ZDHHC21: variants seen among roughly 807,000 people sequenced by gnomAD.
The protein encoded by ZDHHC21 is palmitoyltransferase ZDHHC21.
ZDHHC21 carries 15 observed loss-of-function variants against 34.6 expected under a neutral mutation model. The observed-to-expected ratio is 0.43, with a 90% CI of 0.29 to 0.67. The LOEUF (loss-of-function observed/expected upper bound fraction) is 0.67, where lower values mean the gene tolerates loss of function less well. Ranked by LOEUF, ZDHHC21 falls within the 30% of genes least tolerant of loss-of-function variation. The probability of loss-of-function intolerance (pLI) is 0.14; values close to 1 mark genes in which losing one functional copy is unlikely to be tolerated. For missense variants in ZDHHC21, 344 were observed against 327.7 expected (o/e 1.05, Z -0.38); for synonymous variants, 142 against 101.8 (o/e 1.40, Z -2.38).
chr9:14,642,082 G>T (rs142784156), intron 7 of ZDHHC21, among the ~76,000 whole-genome samples: 394 of 152,186 alleles, frequency 2.6e-3, no homozygotes, highest in African/African-American at 8.9e-3. Context: ...AAATGTCAAG[G>T]ATGGAGATGA....
intron 2 of ZDHHC21, among the ~76,000 whole-genome samples, chr9:14,687,789 A>G (rs1838560615): frequency 6.6e-6 from 1 of 151,058 alleles, no homozygotes; most frequent in African/African-American, 2.5e-5. Flanking sequence ...TATTTTTAAT[A>G]TTGCTACGCC....
chr9:14,604,860 G>C, the ZDHHC21 span, among the ~76,000 whole-genome samples: 1 of 152,020 alleles, frequency 6.6e-6, no homozygotes, highest in Non-Finnish European at 1.5e-5. Flanking sequence ...TATACCTTTT[G>C]AACAGCAGTT....
At chr9:14,597,116 A>C in the ZDHHC21 span, among the ~76,000 whole-genome samples, 1 of 152,248 alleles carries the variant, frequency 6.6e-6, no homozygotes, top group Non-Finnish European at 1.5e-5. Context: ...AAGTCCATGC[A>C]ACAGCATTGT....
At chr9:14,604,391 A>G in the ZDHHC21 span, among the ~76,000 whole-genome samples, 5 of 152,206 alleles carry the variant, frequency 3.3e-5, no homozygotes, top group African/African-American at 9.7e-5. Context: ...AAAAAATGTG[A>G]TGCTGATTAA....
intron 8 of ZDHHC21, 66 bp downstream of exon 8, chr9:14,639,830 T>C (rs1019730924): frequency 2.1e-6 from 2 of 944,714 alleles, no homozygotes; most frequent in Non-Finnish European, 3.0e-6. Flanking sequence ...CTATAACTTT[T>C]GAGAATTACA....
intron 5 of ZDHHC21, among the ~76,000 whole-genome samples, chr9:14,664,598 T>TA (rs1373918977): frequency 6.7e-6 from 1 of 150,114 alleles, no homozygotes; most frequent in Non-Finnish European, 1.5e-5. Context: ...TCCACAGACT[T>TA]AAATGTCCCT....
rs140542049 is a variant in ZDHHC21 at position 14,611,385 on chromosome 9, C to G, written c.*7581G>C. 271 of 152,062 alleles carry G rather than the reference C, an allele frequency of 1.8e-3. No homozygotes were observed. The highest frequency in any genetic ancestry group is 6.2e-3 in the African/African-American group (257 of 41,532). 9.4% of individuals were successfully genotyped at this position (152,062 alleles called of 1,614,324 possible). A position where few individuals can be genotyped will look rare whatever the true frequency, so the allele number is the denominator to read the frequency against. On this transcript the variant is annotated 3_prime_UTR_variant, in exon 10 of 10. Coordinates refer to ENST00000380916, the MANE Select transcript of ZDHHC21 (RefSeq NM_178566.6). ...CTTCTCAAACTATTCTTACATCTCT[C>G]AACTACTATTTTCCTAATTACCATC... is the stretch of plus-strand genomic sequence containing the variant.
At chr9:14,641,585 C>T (rs1268261829) in intron 7 of ZDHHC21, among the ~76,000 whole-genome samples, 1 of 152,136 alleles carries the variant, frequency 6.6e-6, no homozygotes, top group South Asian at 2.1e-4. Flanking sequence ...AAAACACACT[C>T]ACCCGTCAAA....
chr9:14,631,886 C>G (rs1445907475), intron 8 of ZDHHC21, among the ~76,000 whole-genome samples: 1 of 152,092 alleles, frequency 6.6e-6, no homozygotes, highest in African/African-American at 2.4e-5. Context: ...CATCAAAGAT[C>G]ACCAATCATA....
the ZDHHC21 span, among the ~76,000 whole-genome samples, chr9:14,605,750 A>T: frequency 3.3e-5 from 5 of 152,204 alleles, no homozygotes; most frequent in Non-Finnish European, 7.4e-5. Flanking sequence ...TATCTCCAAG[A>T]AGTCAACAAT....
chr9:14,674,486 C>A, intron 3 of ZDHHC21, 101 bp from the exon 4 acceptor site: 1 of 607,880 alleles, frequency 1.6e-6, no homozygotes, highest in Non-Finnish European at 2.7e-6. Context: ...GTTTTCTTTG[C>A]ATATTTGACA....
At chr9:14,639,300 C>CA (rs570980639) in intron 8 of ZDHHC21, among the ~76,000 whole-genome samples, 1 of 151,952 alleles carries the variant, frequency 6.6e-6, no homozygotes, top group South Asian at 2.1e-4. Flanking sequence ...ATGGGAGAGC[C>CA]AAAAAAGCTG....
chr9:14,607,300 T>C (rs1388450000), downstream of ZDHHC21, among the ~76,000 whole-genome samples: 2 of 151,906 alleles, frequency 1.3e-5, no homozygotes, highest in East Asian at 3.9e-4. Flanking sequence ...ATATAAAAAT[T>C]AGCTGGGTGT....
At chr9:14,681,601 G>A (rs934119906) in intron 2 of ZDHHC21, among the ~76,000 whole-genome samples, 1 of 152,116 alleles carries the variant, frequency 6.6e-6, no homozygotes, top group Non-Finnish European at 1.5e-5. Flanking sequence ...TCTGAGGGCT[G>A]AATTTTGGTG....
chr9:14,609,736 T>C (rs1823141451), downstream of ZDHHC21, among the ~76,000 whole-genome samples: 1 of 152,120 alleles, frequency 6.6e-6, no homozygotes, highest in African/African-American at 2.4e-5. Context: ...CAGTGGATTT[T>C]AAGAACACGA....
In ZDHHC21 at chr9:14,677,693, G is replaced by A. The variant is rs541079876; in HGVS notation, c.-46+2340C>T. ...TATCTGGTAACTATAGTTGACTACAGTGACTAAATGATGTAAATTACTACA... is the reference window on the plus strand; with the variant it reads ...TATCTGGTAACTATAGTTGACTACAATGACTAAATGATGTAAATTACTACA... On this transcript the variant is annotated intron_variant, in intron 3 of 9. Coordinates refer to ENST00000380916, the MANE Select transcript of ZDHHC21 (RefSeq NM_178566.6). 2.0e-5 allele frequency among the ~76,000 whole-genome samples: 3 copies of A among 152,138 alleles called. No homozygotes were observed. The South Asian group carries it at 6.2e-4, about 32-fold the overall frequency.
chr9:14,618,838 G>T lies in ZDHHC21; in HGVS notation c.*128C>A, dbSNP rs1248958456. ...GATCACTATTAAAATAAAGCCTGGG[G>T]CACATTATGATGCCTAAGACTGGTG... On this transcript the variant is annotated 3_prime_UTR_variant, in exon 10 of 10. Coordinates refer to ENST00000380916, the MANE Select transcript of ZDHHC21 (RefSeq NM_178566.6). 6 of 996,700 alleles carry T rather than the reference G, an allele frequency of 6.0e-6. No individual in the cohort carries two copies. The highest frequency in any genetic ancestry group is 3.3e-5 in the African/African-American group (2 of 59,896). The allele number at this position is 996,700 out of a possible 1,614,324, so 61.7% of individuals were successfully genotyped here.
intron 5 of ZDHHC21, among the ~76,000 whole-genome samples, chr9:14,670,982 T>G (rs1046095036): frequency 3.9e-5 from 6 of 152,122 alleles, no homozygotes; most frequent in Admixed American, 3.9e-4. Flanking sequence ...TAGTGATTTT[T>G]GTACTAGCCA....
At chr9:14,599,046 A>G in the ZDHHC21 span, among the ~76,000 whole-genome samples, 1 of 152,168 alleles carries the variant, frequency 6.6e-6, no homozygotes, top group East Asian at 1.9e-4. Flanking sequence ...TACAGATGTG[A>G]GCCACCTCAC....
Sources: allele counts gnomAD v4.1 joint callset (sites outside exome capture counted in the v4.1 genomes callset), GRCh38; gene constraint gnomAD v4.1.1; transcripts MANE v1.5; gene names NCBI Gene and HGNC (gene_info 2026-07-23, HGNC 2026-07-21).